NCS1: variants seen among roughly 807,000 people sequenced by gnomAD.
NCS1 encodes neuronal calcium sensor 1.
Under a neutral mutation model 28.4 loss-of-function variants are expected in NCS1, and 6 were observed. The ratio of observed to expected loss-of-function variants is 0.21; its 90% CI spans 0.12 to 0.42. The LOEUF is 0.42. Ranked by LOEUF, NCS1 falls within the 10% of genes least tolerant of loss-of-function variation. The probability of loss-of-function intolerance (pLI) is 1.00; values close to 1 mark genes in which losing one functional copy is unlikely to be tolerated. For synonymous variants in NCS1, 86 were observed against 99.3 expected, an observed-to-expected ratio of 0.87 and a Z score of 0.79; for missense variants, 131 against 241.4, an observed-to-expected ratio of 0.54 and a Z score of 3.03.
intron 5 of NCS1, 52 bp downstream of exon 5, chr9:130,222,790 T>G: frequency 6.4e-7 from 1 of 1,554,090 alleles, no homozygotes; most frequent in Non-Finnish European, 8.9e-7. Flanking sequence ...GCAAAGCCAG[T>G]GACTGAGAGA....
rs549124979 is a variant in NCS1 at position 130,201,611 on chromosome 9, T to C, written c.89+629T>C. On this transcript the variant is annotated intron_variant, in intron 2 of 7. Transcript: ENST00000372398. Reference sequence around the variant, plus strand: ...TGTGGAGCAGACAGGAGGCTCACCATGTAAGGTGGCTGAGCTGTAGGGGTG... The same window carrying C: ...TGTGGAGCAGACAGGAGGCTCACCACGTAAGGTGGCTGAGCTGTAGGGGTG... 9.2e-5 allele frequency among the ~76,000 whole-genome samples: 14 copies of C among 152,200 alleles called. No homozygotes were observed. The South Asian group carries it at 2.7e-3, about 29-fold the overall frequency.
At chr9:130,221,428 A>C (rs1833298996) in intron 4 of NCS1, among the ~76,000 whole-genome samples, 1 of 113,506 alleles carries the variant, frequency 8.8e-6, no homozygotes, top group African/African-American at 2.9e-5. Context: ...AGAGAGAGAG[A>C]GAGAGAGAGA....
rs543164371 is a variant in NCS1 at position 130,192,376 on chromosome 9, G to T, written c.65-8582G>T. ...GTCTGGGGCCCGGCCACGTTGTCTG[G>T]CCCAGAGCCTGTGCCCACCTTCCTG... On this transcript the variant is annotated intron_variant, in intron 1 of 7. Transcript: ENST00000372398. The surrounding 1 kb of genome is among the most constrained non-coding windows in gnomAD (Gnocchi z 4.8). Among the ~76,000 whole-genome samples the T allele has an allele frequency of 6.6e-6, 1 of 152,156 alleles. No individual in the cohort carries two copies. The highest frequency in any genetic ancestry group is 1.9e-4 in the East Asian group (1 of 5,170).
Position 130,220,391 on chromosome 9 carries a change from T to TA in NCS1, c.307+597dup, listed in dbSNP as rs142599392. On this transcript the variant is annotated intron_variant, in intron 4 of 7. Transcript: ENST00000372398. ...ATCAGTCTAGAGTGGCAGCAGGATT[T>TA]AAAAAAAAACCTCAGGAAACTGCAG... Among the ~76,000 whole-genome samples the TA allele has an allele frequency of 5.1e-3, 765 of 151,160 alleles. 4 individuals are homozygous for TA. Among genetic ancestry groups the TA allele is most frequent in the Admixed American group, 0.017 (257 of 15,182 alleles).
At chr9:130,205,578 G>A (rs1287798980) in intron 2 of NCS1, among the ~76,000 whole-genome samples, 1 of 147,542 alleles carries the variant, frequency 6.8e-6, no homozygotes, top group South Asian at 2.2e-4. Flanking sequence ...TGGCCCACAC[G>A]TGTAATCCCA....
At chr9:130,179,251 T>C (rs1015502349) in intron 1 of NCS1, among the ~76,000 whole-genome samples, 7 of 152,070 alleles carry the variant, frequency 4.6e-5, no homozygotes, top group Non-Finnish European at 1.0e-4. Flanking sequence ...TTCATTACCT[T>C]GTAAATTTGG....
intron 2 of NCS1, among the ~76,000 whole-genome samples, chr9:130,203,293 A>G (rs1358814414): frequency 6.6e-6 from 1 of 151,088 alleles, no homozygotes; most frequent in South Asian, 2.1e-4. Context: ...TAATTTTTCT[A>G]TTTGTAGAGA....
chr9:130,194,525 C>G (rs2131129951), intron 1 of NCS1, among the ~76,000 whole-genome samples: 1 of 152,286 alleles, frequency 6.6e-6, no homozygotes, highest in Non-Finnish European at 1.5e-5. Flanking sequence ...AGCCCCCCCT[C>G]TCCCAGGGCC....
At position 130,208,428 on chromosome 9, in the gene NCS1, A is replaced by T. The variant is rs186665867; in HGVS notation, c.89+7446A>T. Among the ~76,000 whole-genome samples the T allele has an allele frequency of 6.3e-3, 955 of 151,834 alleles. 11 individuals are homozygous for T. Among genetic ancestry groups the T allele is most frequent in the African/African-American group, 0.022 (917 of 41,376 alleles). On this transcript the variant is annotated intron_variant, in intron 2 of 7. Coordinates refer to ENST00000372398, the MANE Select transcript of NCS1 (RefSeq NM_014286.4). ...CGAGTAGCTGGGATTACAGGCACCC[A>T]CCACCACGCCTGGCTAATTTTTGTA...
Position 130,173,200 on chromosome 9 carries a change from G to GGT in NCS1, c.64+474_64+475insTG, listed in dbSNP as rs1554904278. Among the ~76,000 whole-genome samples, 3 of 66,936 alleles carry GGT rather than the reference G, an allele frequency of 4.5e-5. No homozygotes were observed. The East Asian group carries it at 1.6e-3, about 37-fold the overall frequency. 43.9% of individuals were successfully genotyped at this position (66,936 alleles called of 152,430 possible). On this transcript the variant is annotated intron_variant, in intron 1 of 7. Transcript: ENST00000372398. The stretch of plus-strand genomic sequence containing the variant: ...GCCCCCTCCCTGGCCCCGTTCGTGT[G>GGT]GGGGGGGGGGTGGCGAGACTTGGCA...
chr9:130,187,136 C>T (rs1832747600), intron 1 of NCS1, among the ~76,000 whole-genome samples: 1 of 152,112 alleles, frequency 6.6e-6, no homozygotes, highest in Admixed American at 6.5e-5. Flanking sequence ...TCTCGGAAAG[C>T]AGGGGAGCAA....
intron 1 of NCS1, among the ~76,000 whole-genome samples, chr9:130,198,102 G>T (rs1261846362): frequency 6.6e-6 from 1 of 152,174 alleles, no homozygotes; most frequent in Non-Finnish European, 1.5e-5. Context: ...TTAAAGCATG[G>T]GCAGGACTTA....
In NCS1 at chr9:130,219,594, C is replaced by T. The variant is rs1364129373; in HGVS notation, c.229-131C>T. 4.6e-5 allele frequency: 36 copies of T among 788,578 alleles called. No homozygotes were observed. Among genetic ancestry groups the T allele is most frequent in the Non-Finnish European group, 6.9e-5 (32 of 464,866 alleles). 48.8% of individuals were successfully genotyped at this position (788,578 alleles called of 1,614,324 possible). A position where few individuals can be genotyped will look rare whatever the true frequency, so the allele number is the denominator to read the frequency against. On this transcript the variant is annotated intron_variant, in intron 3 of 7. Transcript: ENST00000372398. The surrounding 1 kb of genome is among the most constrained non-coding windows in gnomAD (Gnocchi z 5.7). ...CTCGCCCCCCATTCCTTCGAGCCTG[C>T]CCTCTCCACCTGAGTGTCCATTGGC...
chr9:130,209,985 G>A lies in NCS1; in HGVS notation c.90-7847G>A, dbSNP rs552393327. 3.8e-4 allele frequency among the ~76,000 whole-genome samples: 58 copies of A among 152,180 alleles called. No individual in the cohort carries two copies. Among genetic ancestry groups the A allele is most frequent in the East Asian group, 1.9e-3 (10 of 5,160 alleles). On this transcript the variant is annotated intron_variant, in intron 2 of 7. Transcript: ENST00000372398. This position sits in a 1 kb window ranked among gnomAD's most constrained non-coding sequence, Gnocchi z 4.4. ...ACCCCAAAGAGTTAAGACCCTGTTC[G>A]CGAACAAGGTTGTGTGAGGTGTGGC...
In NCS1 at chr9:130,186,997, G is replaced by C. The variant is rs554696072; in HGVS notation, c.65-13961G>C. On this transcript the variant is annotated intron_variant, in intron 1 of 7. Transcript: ENST00000372398. This position sits in a 1 kb window ranked among gnomAD's most constrained non-coding sequence, Gnocchi z 4.1. ...CTCCAAGCTTCGGTTTCCTGGTTGT[G>C]GAGTGGGGTTGCTGATGGCCCCTGC... 4.3e-4 allele frequency among the ~76,000 whole-genome samples: 66 copies of C among 152,374 alleles called. No homozygotes were observed. The highest frequency in any genetic ancestry group is 1.4e-3 in the African/African-American group (59 of 41,598).
intron 1 of NCS1, among the ~76,000 whole-genome samples, chr9:130,199,978 C>G (rs1832920829): frequency 6.6e-6 from 1 of 152,194 alleles, no homozygotes; most frequent in African/African-American, 2.4e-5. Flanking sequence ...TACCCTTTGC[C>G]AAAACTTTCT....
chr9:130,202,874 G>A (rs564851693), intron 2 of NCS1, among the ~76,000 whole-genome samples: 1 of 152,044 alleles, frequency 6.6e-6, no homozygotes, highest in African/African-American at 2.4e-5. Flanking sequence ...GCCACTGCAC[G>A]TGGCCTGCCA....
Position 130,177,453 on chromosome 9 carries a change from A to C in NCS1, c.64+4726A>C, listed in dbSNP as rs192380404. ...ACAGCCAGGCACAGGGTGAGCCACA[A>C]GGAGAGGAAAGGACCAAAGCAAGGG... On this transcript the variant is annotated intron_variant, in intron 1 of 7. Transcript: ENST00000372398. This position sits in a 1 kb window ranked among gnomAD's most constrained non-coding sequence, Gnocchi z 4.4. Among the ~76,000 whole-genome samples, 7,377 of 152,132 alleles carry C rather than the reference A, an allele frequency of 0.048. 233 individuals are homozygous for C. The highest frequency in any genetic ancestry group is 0.087 in the Admixed American group (1,337 of 15,296).
At chr9:130,194,007 C>T (rs1195384494) in intron 1 of NCS1, 2 of 152,690 alleles carry the variant, frequency 1.3e-5, no homozygotes, top group Admixed American at 6.5e-5. Flanking sequence ...CTCCGGCAGC[C>T]CTCAACCCTG....
Sources: allele counts gnomAD v4.1 joint callset (sites outside exome capture counted in the v4.1 genomes callset), GRCh38; gene constraint gnomAD v4.1.1; non-coding constraint Gnocchi (gnomAD v3.1); transcripts MANE v1.5; gene names NCBI Gene and HGNC (gene_info 2026-07-23, HGNC 2026-07-21).